The following LETMD1 variants were observed in gnomAD, a reference collection of about 807,000 sequenced individuals.
LETMD1 encodes LETM1 domain containing 1, also known as LETM1 domain-containing protein 1.
In LETMD1, 30 loss-of-function variants were observed where a neutral mutation model predicts 43.9. The observed-to-expected ratio is 0.68, with a 90% CI of 0.51 to 0.93. The LOEUF (loss-of-function observed/expected upper bound fraction) is 0.93, where lower values mean the gene tolerates loss of function less well. Ranked by LOEUF, LETMD1 falls within the 40% of genes least tolerant of loss-of-function variation. LETMD1 has a pLI of 0.00. For missense variants in LETMD1, 413 were observed against 447.7 expected, an observed-to-expected ratio of 0.92 and a Z score of 0.70; for synonymous variants, 176 against 163.1, an observed-to-expected ratio of 1.08 and a Z score of -0.60.
At position 51,049,053 on chromosome 12, in the gene LETMD1, T is replaced by C; in HGVS notation, c.142T>C (p.Ser48Pro). The change falls in exon 2 of 9, where the codon TCT (serine) becomes CCT (proline). Residue 48 changes from serine (S) to proline (P), a missense_variant. Ser to Pro is a moderately conservative substitution (Grantham distance 74). Coordinates refer to ENST00000262055, the MANE Select transcript of LETMD1 (RefSeq NM_015416.5). ...TTGTAGGTCTTCAAAGCTTCACCTT[T>C]CTCCAAAGGCAGATGTGAAGAACTT... Reference protein sequence around the residue: ...GAPRSSKLHLSPKADVKNLMS... With the variant: ...GAPRSSKLHLPPKADVKNLMS... 1 of 1,613,986 alleles carries C rather than the reference T, an allele frequency of 6.2e-7. No individual in the cohort carries two copies. The highest frequency in any genetic ancestry group is 8.5e-7 in the Non-Finnish European group (1 of 1,179,954).
intron 1 of LETMD1, 80 bp from the exon 2 acceptor site, chr12:51,048,954 C>T: frequency 4.5e-6 from 6 of 1,332,508 alleles, no homozygotes; most frequent in Non-Finnish European, 6.2e-6. Flanking sequence ...CTCCGAGACT[C>T]CTGCTTTACA....
At chr12:51,053,723 A>G (rs7971308) in intron 3 of LETMD1, 55 bp from the exon 4 acceptor site, 483,527 of 1,185,004 alleles carry the variant, frequency 0.41, 107,889 homozygotes, top group East Asian at 0.89. Context: ...TGGATTGTCT[A>G]TTGTATTAAC....
At chr12:51,064,693 G>T, downstream of LETMD1, 1 of 1,495,978 alleles carries the variant, frequency 6.7e-7, no homozygotes, top group South Asian at 1.4e-5. Context: ...AGAAGGTTGG[G>T]GCAAGATGAG....
chr12:51,052,953 A>G (rs559275513), intron 3 of LETMD1, among the ~76,000 whole-genome samples: 37 of 151,610 alleles, frequency 2.4e-4, no homozygotes, highest in African/African-American at 7.7e-4. Context: ...TAAAAATTCA[A>G]AAATTAGCTG....
intron 4 of LETMD1, among the ~76,000 whole-genome samples, chr12:51,054,547 G>A (rs1947087555): frequency 6.6e-6 from 1 of 152,218 alleles, no homozygotes; most frequent in Non-Finnish European, 1.5e-5. Context: ...GGCTTCTTCA[G>A]TATGGCAGCC....
chr12:51,057,773 A>C, intron 7 of LETMD1: 1 of 425,204 alleles, frequency 2.4e-6, no homozygotes, highest in Non-Finnish European at 4.4e-6. Flanking sequence ...CTGCAGGTGC[A>C]TGCCACCACG....
At chr12:51,053,133 G>C (rs747369719) in intron 3 of LETMD1, among the ~76,000 whole-genome samples, 3 of 151,880 alleles carry the variant, frequency 2.0e-5, no homozygotes, top group Admixed American at 2.0e-4. Context: ...AAGTCTGCAA[G>C]GATCCAAAGG....
chr12:51,058,214 G>A, intron 8 of LETMD1, 86 bp downstream of exon 8: 2 of 839,082 alleles, frequency 2.4e-6, no homozygotes, highest in Non-Finnish European at 4.1e-6. Context: ...TAATTATTGA[G>A]TACTGTGAGA....
downstream of LETMD1, among the ~76,000 whole-genome samples, chr12:51,064,851 C>T (rs1260725825): frequency 6.6e-6 from 1 of 152,098 alleles, no homozygotes; most frequent in Non-Finnish European, 1.5e-5. Flanking sequence ...GTTATCAGAC[C>T]ACTTGCATTT....
At chr12:51,065,087 G>A (rs755806361), downstream of LETMD1, among the ~76,000 whole-genome samples, 1 of 152,204 alleles carries the variant, frequency 6.6e-6, no homozygotes, top group Non-Finnish European at 1.5e-5. Flanking sequence ...GACAACAAAA[G>A]GCTGGAACCA....
At chr12:51,062,267 A>G (rs1487013699), downstream of LETMD1, 1 of 152,122 alleles carries the variant, frequency 6.6e-6, no homozygotes, top group Non-Finnish European at 1.5e-5. Context: ...CCCCCCCAAC[A>G]CAGTTTTTCA....
the LETMD1 span, among the ~76,000 whole-genome samples, chr12:51,068,681 CAGAG>C: frequency 6.6e-6 from 1 of 152,162 alleles, no homozygotes; most frequent in Non-Finnish European, 1.5e-5. Context: ...CCTTCTAACA[CAGAG>C]AGGAAAAGGT....
chr12:51,055,277 G>C (rs1435138253), intron 4 of LETMD1, among the ~76,000 whole-genome samples: 1 of 152,102 alleles, frequency 6.6e-6, no homozygotes, highest in Non-Finnish European at 1.5e-5. Context: ...TGCGTGGCAG[G>C]CTATTCTGCT....
chr12:51,049,423 T>TTTA, intron 2 of LETMD1: 3 of 430,992 alleles, frequency 7.0e-6, no homozygotes, highest in Non-Finnish European at 8.4e-6. Flanking sequence ...AGAATATAGG[T>TTTA]ATGTTCTCGT....
intron 7 of LETMD1, chr12:51,057,481 T>G (rs901113624): frequency 1.3e-5 from 2 of 153,376 alleles, no homozygotes; most frequent in African/African-American, 4.8e-5. Context: ...TTGTATTTCT[T>G]TTCTTCTGGC....
the LETMD1 span, among the ~76,000 whole-genome samples, chr12:51,067,239 C>T: frequency 6.6e-6 from 1 of 152,138 alleles, no homozygotes; most frequent in African/African-American, 2.4e-5. The surrounding 1 kb of genome is among the most constrained non-coding windows in gnomAD (Gnocchi z 4.1). Context: ...TGTACTAACT[C>T]CTCTTCATCC....
chr12:51,049,697 T>C (rs1162878086), intron 2 of LETMD1, among the ~76,000 whole-genome samples: 15 of 152,218 alleles, frequency 9.9e-5, no homozygotes, highest in Admixed American at 7.9e-4. Flanking sequence ...GTGTCTACTC[T>C]GGAGCCAGAT....
At position 51,056,505 on chromosome 12, in the gene LETMD1, A is replaced by G. The variant is rs778660039; in HGVS notation, c.915+3A>G. Reference sequence around the variant, plus strand: ...TGACTGCTCAGGAAGTAAAATCGGTAAGAGCTTGATTGCAACATCAACCCT... The same window carrying G: ...TGACTGCTCAGGAAGTAAAATCGGTGAGAGCTTGATTGCAACATCAACCCT... On this transcript the variant is annotated splice_donor_region_variant and intron_variant, in intron 7 of 8. Coordinates refer to ENST00000262055, the MANE Select transcript of LETMD1 (RefSeq NM_015416.5). The G allele has an allele frequency of 2.2e-5, 36 of 1,614,042 alleles. No homozygotes were observed. Among genetic ancestry groups the G allele is most frequent in the Non-Finnish European group, 3.1e-5 (36 of 1,180,034 alleles).
intron 2 of LETMD1, among the ~76,000 whole-genome samples, chr12:51,050,512 C>T (rs945092126): frequency 1.3e-5 from 2 of 151,596 alleles, no homozygotes; most frequent in Non-Finnish European, 2.9e-5. Flanking sequence ...TGAGCCACCG[C>T]GCCCGGCCAA....
Sources: allele counts gnomAD v4.1 joint callset (sites outside exome capture counted in the v4.1 genomes callset), GRCh38; gene constraint gnomAD v4.1.1; non-coding constraint Gnocchi (gnomAD v3.1); transcripts MANE v1.5; gene names NCBI Gene and HGNC (gene_info 2026-07-23, HGNC 2026-07-21).